The following TENM2 variants were observed in gnomAD, a reference collection of about 807,000 sequenced individuals.
TENM2 encodes the protein teneurin transmembrane protein 2, also known as teneurin-2.
Under a neutral mutation model 245.2 loss-of-function variants are expected in TENM2, and 52 were observed. That is an observed-to-expected ratio of 0.21 (90% CI 0.17 to 0.27). The LOEUF is 0.27. Ranked by LOEUF, TENM2 falls within the 10% of genes least tolerant of loss-of-function variation. TENM2 has a pLI of 1.00. For synonymous variants in TENM2, 1,363 were observed against 1,438.9 expected, an observed-to-expected ratio of 0.95 and a Z score of 1.19; for missense variants, 3,046 against 3,666.8, an observed-to-expected ratio of 0.83 and a Z score of 4.37.
intron 9 of TENM2, among the ~76,000 whole-genome samples, chr5:168,117,400 T>G (rs557612587): frequency 6.6e-6 from 1 of 152,314 alleles, no homozygotes; most frequent in Non-Finnish European, 1.5e-5. Context: ...AGACCCCCTG[T>G]GTGTACCTGA....
chr5:168,250,502 T>C (rs1767020432), intron 27 of TENM2, among the ~76,000 whole-genome samples: 1 of 152,126 alleles, frequency 6.6e-6, no homozygotes, highest in African/African-American at 2.4e-5. Flanking sequence ...CACTTGTCCA[T>C]CCCCAAGGCA....
intron 2 of TENM2, among the ~76,000 whole-genome samples, chr5:167,564,618 T>C (rs1460088220): frequency 1.3e-5 from 2 of 152,190 alleles, no homozygotes; most frequent in African/African-American, 4.8e-5. Context: ...AAATGATTGT[T>C]GCTCACATTC....
intron 2 of TENM2, among the ~76,000 whole-genome samples, chr5:167,714,368 A>G (rs139315807): frequency 6.6e-6 from 1 of 152,264 alleles, no homozygotes; most frequent in East Asian, 1.9e-4. Flanking sequence ...TATAGATCTT[A>G]TCTCTGCTCT....
intron 12 of TENM2, among the ~76,000 whole-genome samples, chr5:168,131,781 T>A (rs1754604182): frequency 6.6e-6 from 1 of 152,180 alleles, no homozygotes; most frequent in South Asian, 2.1e-4. Flanking sequence ...CTTTCATGAC[T>A]CTACAGTGAG....
intron 16 of TENM2, among the ~76,000 whole-genome samples, chr5:168,199,425 C>T (rs546805763): frequency 3.9e-5 from 6 of 152,310 alleles, no homozygotes; most frequent in African/African-American, 9.6e-5. Context: ...TGGTAAGAGG[C>T]GCTTTAATGA....
At chr5:168,059,221 T>G (rs1328898269) in intron 6 of TENM2, among the ~76,000 whole-genome samples, 1 of 152,192 alleles carries the variant, frequency 6.6e-6, no homozygotes. Context: ...CTGGGGCTCC[T>G]TGTCTGAATT....
rs746077874 is a variant in TENM2 at position 168,218,254 on chromosome 5, C to T, written c.4363C>T (p.His1455Tyr). Residue 1455 changes from histidine (H) to tyrosine (Y), a missense_variant, in exon 23 of 29, where the codon CAC becomes TAC. This residue lies in a region of TENM2 where 2,704 missense variants were observed against 3,331.9 expected (regional missense o/e 0.81). Coordinates refer to ENST00000518659, the Ensembl canonical transcript of TENM2. This position sits in a 1 kb window ranked among gnomAD's most constrained non-coding sequence, Gnocchi z 5.2. ...CAGCATCATTGCGGGACGCCCCATG[C>T]ACTGCCAAGTTCCTGGCATTGACTA... The T allele has an allele frequency of 4.1e-5, 66 of 1,613,722 alleles. No individual in the cohort carries two copies. Among genetic ancestry groups the T allele is most frequent in the Non-Finnish European group, 5.3e-5 (63 of 1,179,894 alleles).
intron 2 of TENM2, among the ~76,000 whole-genome samples, chr5:167,444,300 C>A (rs1249583179): frequency 2.1e-5 from 2 of 95,312 alleles, no homozygotes; most frequent in Non-Finnish European, 5.3e-5. Flanking sequence ...CATACACATA[C>A]ACACACACAC....
At chr5:167,138,583 G>C in the TENM2 span, among the ~76,000 whole-genome samples, 15 of 152,208 alleles carry the variant, frequency 9.9e-5, no homozygotes, top group East Asian at 2.7e-3. Context: ...TGGGTATAAT[G>C]ATGACAATTG....
chr5:167,361,428 T>C (rs1317286272), intron 1 of TENM2, among the ~76,000 whole-genome samples: 1 of 152,228 alleles, frequency 6.6e-6, no homozygotes, highest in Non-Finnish European at 1.5e-5. Context: ...ATAAACAACA[T>C]ATAGCACTCA....
chr5:168,104,576 C>T (rs566521982), intron 9 of TENM2, among the ~76,000 whole-genome samples: 3 of 152,278 alleles, frequency 2.0e-5, no homozygotes, highest in East Asian at 1.9e-4. Flanking sequence ...GACAGAAATG[C>T]GGATTTACTC....
intron 2 of TENM2, among the ~76,000 whole-genome samples, chr5:167,449,008 A>G (rs1196129590): frequency 6.6e-6 from 1 of 152,062 alleles, no homozygotes; most frequent in Non-Finnish European, 1.5e-5. Flanking sequence ...GTGCCTTCTT[A>G]TCTCTGTGAT....
At chr5:168,098,097 C>T (rs773333857) in exon 9 of TENM2, 8 of 1,613,404 alleles carry the variant, frequency 5.0e-6, no homozygotes, top group African/African-American at 1.3e-5. Flanking sequence ...TCACTGTTTC[C>T]CAGGATTTCT....
chr5:167,359,461 G>C (rs1015719796), intron 1 of TENM2, among the ~76,000 whole-genome samples: 15 of 151,896 alleles, frequency 9.9e-5, no homozygotes, highest in Admixed American at 6.6e-4. Flanking sequence ...AGCTTTCCTG[G>C]ATCAGATTAT....
At chr5:167,490,989 G>GCTTCTAT in intron 2 of TENM2, among the ~76,000 whole-genome samples, 1 of 152,244 alleles carries the variant, frequency 6.6e-6, no homozygotes, top group East Asian at 1.9e-4. Flanking sequence ...ACAGCTTCTA[G>GCTTCTAT]TAAAAATCGC....
At chr5:168,107,560 G>T (rs1463664372) in intron 9 of TENM2, among the ~76,000 whole-genome samples, 1 of 152,116 alleles carries the variant, frequency 6.6e-6, no homozygotes, top group Non-Finnish European at 1.5e-5. Flanking sequence ...CCTCCTGGGG[G>T]GGGGGTCTGA....
chr5:167,438,142 T>C (rs893592305), intron 2 of TENM2, among the ~76,000 whole-genome samples: 1 of 152,192 alleles, frequency 6.6e-6, no homozygotes, highest in Non-Finnish European at 1.5e-5. Context: ...TAATCTGCTT[T>C]CAATCCATCT....
chr5:167,197,724 C>A, the TENM2 span, among the ~76,000 whole-genome samples: 1 of 151,962 alleles, frequency 6.6e-6, no homozygotes, highest in African/African-American at 2.4e-5. Flanking sequence ...TCAACCTCAT[C>A]ATCTGGACAC....
chr5:167,418,009 T>A (rs2127417106), intron 2 of TENM2, among the ~76,000 whole-genome samples: 1 of 152,332 alleles, frequency 6.6e-6, no homozygotes, highest in Non-Finnish European at 1.5e-5. Context: ...TACACGTACA[T>A]CCTCACCTAG....
Sources: gnomAD v4.1 joint callset for allele counts (sites outside exome capture counted in the v4.1 genomes callset) on GRCh38, gnomAD v4.1.1 for gene constraint, gnomAD v4.1.1 regional missense constraint, Gnocchi (gnomAD v3.1) non-coding constraint, MANE v1.5 for transcripts, NCBI Gene and HGNC (gene_info 2026-07-23, HGNC 2026-07-21) for gene names.